ABL1: variants seen among roughly 807,000 people sequenced by gnomAD.
The protein encoded by ABL1 is tyrosine-protein kinase ABL1.
Under a neutral mutation model 94.7 loss-of-function variants are expected in ABL1, and 11 were observed. The observed-to-expected ratio is 0.12, with a 90% CI of 0.07 to 0.19. ABL1 has a LOEUF of 0.19. Among genes scored for constraint, ABL1 ranks in the 10% least tolerant of loss-of-function variants. The probability of loss-of-function intolerance (pLI) is 1.00; values close to 1 mark genes in which losing one functional copy is unlikely to be tolerated. For missense variants in ABL1, 1,082 were observed against 1,489.4 expected, an observed-to-expected ratio of 0.73 and a Z score of 4.50; for synonymous variants, 656 against 622.4, an observed-to-expected ratio of 1.05 and a Z score of -0.80.
At position 130,840,349 on chromosome 9, in the gene ABL1, A is replaced by G. The variant is rs557297480; in HGVS notation, c.79+4824A>G. The stretch of plus-strand genomic sequence containing the variant: ...TTTTCATTGTGGAAGAGAAATTCCC[A>G]TTGGCTCATGGTTGGCATTTTATTT... On this transcript the variant is annotated intron_variant, in intron 1 of 10. Transcript: ENST00000318560. Among the ~76,000 whole-genome samples, 102 of 152,280 alleles carry G rather than the reference A, an allele frequency of 6.7e-4. 3 individuals are homozygous for G. In the South Asian group the frequency reaches 0.02, roughly 29 times the overall value.
At chr9:130,806,293 G>T (rs1191735429) in intron 1 of ABL1, among the ~76,000 whole-genome samples, 1 of 152,152 alleles carries the variant, frequency 6.6e-6, no homozygotes, top group Admixed American at 6.5e-5. Flanking sequence ...AACCCACAAG[G>T]AGCTCACAGT....
At chr9:130,822,541 C>A (rs555874743) in intron 1 of ABL1, among the ~76,000 whole-genome samples, 199 of 148,852 alleles carry the variant, frequency 1.3e-3, no homozygotes, top group Non-Finnish European at 2.4e-3. Flanking sequence ...GTAGCTGGGA[C>A]TATAGGCACA....
intron 1 of ABL1, among the ~76,000 whole-genome samples, chr9:130,848,294 A>T (rs965295493): frequency 6.9e-6 from 1 of 143,902 alleles, no homozygotes. Context: ...TGAGACCAGG[A>T]GTTCAAGACC....
At chr9:130,848,542 A>G (rs560330805) in intron 1 of ABL1, among the ~76,000 whole-genome samples, 8 of 151,628 alleles carry the variant, frequency 5.3e-5, no homozygotes, top group South Asian at 2.1e-4. Flanking sequence ...AAAAATTTCA[A>G]TTGGCTTCTA....
At chr9:130,849,532 T>A (rs533956540) in intron 1 of ABL1, among the ~76,000 whole-genome samples, 2 of 152,342 alleles carry the variant, frequency 1.3e-5, no homozygotes, top group Non-Finnish European at 2.9e-5. Context: ...TTTTTTGTTT[T>A]TTTTTGAGAC....
chr9:130,803,190 C>T (rs534630119), intron 1 of ABL1, among the ~76,000 whole-genome samples: 2 of 152,166 alleles, frequency 1.3e-5, no homozygotes, highest in Admixed American at 6.5e-5. Flanking sequence ...CAGGCCCGCA[C>T]CACCACGCCC....
At chr9:130,846,111 T>TTG (rs567957717) in intron 1 of ABL1, among the ~76,000 whole-genome samples, 14 of 137,768 alleles carry the variant, frequency 1.0e-4, no homozygotes, top group South Asian at 2.2e-4. Flanking sequence ...GTGTGTGTGC[T>TTG]TGTGTGTGTG....
chr9:130,808,297 G>T (rs576236578), intron 1 of ABL1, among the ~76,000 whole-genome samples: 1 of 147,410 alleles, frequency 6.8e-6, no homozygotes, highest in African/African-American at 2.5e-5. Context: ...AGGCTGGAGT[G>T]CAGTGGCACA....
At chr9:130,772,468 T>C (rs1195345198) in intron 1 of ABL1, among the ~76,000 whole-genome samples, 1 of 152,168 alleles carries the variant, frequency 6.6e-6, no homozygotes, top group Non-Finnish European at 1.5e-5. Context: ...CCTTACTGGG[T>C]TGACGTTAGT....
intron 1 of ABL1, among the ~76,000 whole-genome samples, chr9:130,797,190 C>T (rs866667886): frequency 7.8e-6 from 1 of 128,476 alleles, no homozygotes; most frequent in Non-Finnish European, 1.6e-5. Context: ...GAGCCGAGAT[C>T]GCGCCACTGC....
chr9:130,753,068 A>C (rs1005533858), intron 1 of ABL1, among the ~76,000 whole-genome samples: 26 of 151,874 alleles, frequency 1.7e-4, no homozygotes, highest in African/African-American at 6.3e-4. Context: ...CATCCTGGCT[A>C]ACACGGTGAA....
chr9:130,774,734 T>C (rs1832292136), intron 1 of ABL1, among the ~76,000 whole-genome samples: 1 of 152,076 alleles, frequency 6.6e-6, no homozygotes, highest in South Asian at 2.1e-4. Context: ...TAGTCCCAGC[T>C]ACTTGAGGGG....
intron 1 of ABL1, among the ~76,000 whole-genome samples, chr9:130,720,436 T>C (rs2132673647): frequency 6.6e-6 from 1 of 152,268 alleles, no homozygotes; most frequent in Non-Finnish European, 1.5e-5. Flanking sequence ...GGAACCAGGA[T>C]GCAGAAACCT....
chr9:130,811,523 C>CT (rs1357681120), intron 1 of ABL1, among the ~76,000 whole-genome samples: 3 of 152,204 alleles, frequency 2.0e-5, no homozygotes, highest in African/African-American at 7.2e-5. Flanking sequence ...CTCTTGTAAG[C>CT]TTTTTACACT....
At chr9:130,766,256 C>T (rs994154323) in intron 1 of ABL1, among the ~76,000 whole-genome samples, 1 of 152,238 alleles carries the variant, frequency 6.6e-6, no homozygotes, top group African/African-American at 2.4e-5. Context: ...TGACTGGAGC[C>T]TGGAAGGCGG....
chr9:130,871,840 A>C (rs1172374067), intron 4 of ABL1, among the ~76,000 whole-genome samples: 3 of 152,250 alleles, frequency 2.0e-5, no homozygotes, highest in African/African-American at 7.2e-5. Flanking sequence ...GGGGAAGCAC[A>C]TGTGGCCTGC....
intron 1 of ABL1, among the ~76,000 whole-genome samples, chr9:130,777,556 G>A (rs2855176): frequency 0.4 from 30,038 of 75,602 alleles, 6,133 homozygotes; most frequent in Middle Eastern, 0.53. Flanking sequence ...ACACTGCATT[G>A]GTACTTTCTA....
At chr9:130,861,906 CT>C (rs1459318197) in intron 3 of ABL1, among the ~76,000 whole-genome samples, 1 of 152,214 alleles carries the variant, frequency 6.6e-6, no homozygotes, top group Non-Finnish European at 1.5e-5. Flanking sequence ...TGCATTGTTG[CT>C]TTCTGCCAGC....
intron 1 of ABL1, among the ~76,000 whole-genome samples, chr9:130,773,027 A>G (rs1328586182): frequency 6.6e-6 from 1 of 152,240 alleles, no homozygotes; most frequent in East Asian, 1.9e-4. Context: ...CCTATAAAAT[A>G]AAAGATGAGC....
Sources: gnomAD v4.1 joint callset for allele counts (sites outside exome capture counted in the v4.1 genomes callset) on GRCh38, gnomAD v4.1.1 for gene constraint, MANE v1.5 for transcripts, NCBI Gene and HGNC (gene_info 2026-07-23, HGNC 2026-07-21) for gene names.